Variants in SORCS1 observed in about 807,000 individuals in gnomAD.
SORCS1 encodes sortilin related VPS10 domain containing receptor 1.
Under a neutral mutation model 146.1 loss-of-function variants are expected in SORCS1, and 60 were observed. The observed-to-expected ratio is 0.41, with a 90% CI of 0.33 to 0.51. The LOEUF (loss-of-function observed/expected upper bound fraction) is 0.51. Among genes scored for constraint, SORCS1 ranks in the 20% least tolerant of loss-of-function variants. The probability of loss-of-function intolerance (pLI) is 0.21; values close to 1 mark genes in which losing one functional copy is unlikely to be tolerated. For synonymous variants in SORCS1, 637 were observed against 584.0 expected, an observed-to-expected ratio of 1.09 and a Z score of -1.31; for missense variants, 1,352 against 1,487.6, an observed-to-expected ratio of 0.91 and a Z score of 1.50.
intron 1 of SORCS1, among the ~76,000 whole-genome samples, chr10:107,059,906 TCA>T (rs761316733): frequency 1.7e-4 from 26 of 152,020 alleles, no homozygotes; most frequent in Admixed American, 1.4e-3. Flanking sequence ...AGTAATCTAC[TCA>T]CAGACTTGAG....
intron 5 of SORCS1, among the ~76,000 whole-genome samples, chr10:106,741,776 C>T (rs1036900635): frequency 6.6e-6 from 1 of 152,136 alleles, no homozygotes; most frequent in East Asian, 1.9e-4. Context: ...ATTTCTTCAG[C>T]TTAGACCTTA....
At chr10:106,678,369 C>A (rs564746046) in intron 12 of SORCS1, among the ~76,000 whole-genome samples, 1 of 152,264 alleles carries the variant, frequency 6.6e-6, no homozygotes, top group African/African-American at 2.4e-5. Flanking sequence ...TTCCCTTCCT[C>A]CTCCGCTCAA....
At chr10:106,645,787 T>C (rs1849383321) in intron 18 of SORCS1, among the ~76,000 whole-genome samples, 1 of 152,104 alleles carries the variant, frequency 6.6e-6, no homozygotes, top group Non-Finnish European at 1.5e-5. Context: ...ACTGTAATAA[T>C]ACCTTTTCAA....
intron 6 of SORCS1, among the ~76,000 whole-genome samples, chr10:106,718,189 CTG>C (rs376975858): frequency 1.5e-4 from 23 of 152,178 alleles, no homozygotes; most frequent in African/African-American, 5.3e-4. Flanking sequence ...GGAACACTGG[CTG>C]TGTGTTTTGC....
In SORCS1 at chr10:106,585,963, A is replaced by G. The variant is rs1845209323; in HGVS notation, c.3266-6489T>C. Among the ~76,000 whole-genome samples, 2 of 152,364 alleles carry G rather than the reference A, an allele frequency of 1.3e-5. 1 individual carries two copies. Among genetic ancestry groups the G allele is most frequent in the South Asian group, 4.1e-4 (2 of 4,830 alleles). On this transcript the variant is annotated intron_variant, in intron 24 of 25. Coordinates refer to ENST00000263054, the MANE Select transcript of SORCS1 (RefSeq NM_052918.5). ...CAGAGCTCCCCAACCAACAACCCATAGCTGATTGCAGACAGACAAGTGAAT... is the reference window on the plus strand; with the variant it reads ...CAGAGCTCCCCAACCAACAACCCATGGCTGATTGCAGACAGACAAGTGAAT...
intron 24 of SORCS1, among the ~76,000 whole-genome samples, chr10:106,584,048 C>G (rs533183069): frequency 6.6e-6 from 1 of 152,142 alleles, no homozygotes; most frequent in Admixed American, 6.5e-5. Context: ...ATTTACCATA[C>G]CTTGATATTC....
At chr10:106,966,320 T>C (rs2139135651) in intron 1 of SORCS1, among the ~76,000 whole-genome samples, 1 of 152,112 alleles carries the variant, frequency 6.6e-6, no homozygotes, top group East Asian at 1.9e-4. Flanking sequence ...CAGACAAAAG[T>C]AATCTGGTCT....
chr10:106,660,618 A>T (rs1164696145), intron 17 of SORCS1, among the ~76,000 whole-genome samples: 1 of 152,190 alleles, frequency 6.6e-6, no homozygotes, highest in Non-Finnish European at 1.5e-5. Flanking sequence ...TACCTAACTT[A>T]AACTTTTTAA....
intron 1 of SORCS1, among the ~76,000 whole-genome samples, chr10:107,152,315 G>A (rs1968872425): frequency 6.6e-6 from 1 of 152,214 alleles, no homozygotes. Flanking sequence ...CTAGGACAGA[G>A]GAGAAGGGAA....
chr10:107,127,488 T>G (rs1966779365), intron 1 of SORCS1, among the ~76,000 whole-genome samples: 1 of 152,208 alleles, frequency 6.6e-6, no homozygotes. Flanking sequence ...ATCCTTTTTG[T>G]GCATCTTCCC....
chr10:106,729,560 G>C (rs1330349646), intron 6 of SORCS1, among the ~76,000 whole-genome samples: 1 of 151,908 alleles, frequency 6.6e-6, no homozygotes, highest in Non-Finnish European at 1.5e-5. Context: ...CAACACAAAA[G>C]AGTAGCAGCA....
Position 106,730,127 on chromosome 10 carries a change from G to C in SORCS1, c.960-13C>G. 6.2e-7 allele frequency: 1 copy of C among 1,613,862 alleles called. No homozygotes were observed. The highest frequency in any genetic ancestry group is 8.5e-7 in the Non-Finnish European group (1 of 1,179,864). The stretch of plus-strand genomic sequence containing the variant: ...CCCCATCACAGACCTAAAAAATGGA[G>C]AAACATGAAAAGAAACATCCATATT... On this transcript the variant is annotated splice_polypyrimidine_tract_variant and intron_variant, in intron 5 of 25. Transcript: ENST00000263054.
chr10:106,667,777 T>G lies in SORCS1; in HGVS notation c.2215A>C (p.Asn739His), dbSNP rs138074544. ...DCDYGYERHS[N>H]GQCLPAFWFN... Reference sequence around the variant, plus strand: ...CAAAATGCCGGCAGGCACTGGCCATTGCTGTGTCGCTCATAACCATAGTCG... The same window carrying G: ...CAAAATGCCGGCAGGCACTGGCCATGGCTGTGTCGCTCATAACCATAGTCG... Residue 739 changes from asparagine (N) to histidine (H), a missense_variant, in exon 17 of 26, where the codon AAT becomes CAT. Coordinates refer to ENST00000263054, the MANE Select transcript of SORCS1 (RefSeq NM_052918.5). 6.2e-7 allele frequency: 1 copy of G among 1,613,944 alleles called. No individual in the cohort carries two copies. Among genetic ancestry groups the G allele is most frequent in the Non-Finnish European group, 8.5e-7 (1 of 1,179,996 alleles).
chr10:106,994,120 G>C (rs981878600), intron 1 of SORCS1, among the ~76,000 whole-genome samples: 1 of 147,154 alleles, frequency 6.8e-6, no homozygotes, highest in Admixed American at 6.8e-5. Flanking sequence ...CATAATTCAT[G>C]GTCTTAGTAA....
chr10:107,042,998 C>T (rs1326350052), intron 1 of SORCS1, among the ~76,000 whole-genome samples: 1 of 152,150 alleles, frequency 6.6e-6, no homozygotes, highest in Admixed American at 6.5e-5. Context: ...GATATTTAAA[C>T]TAGATTTCTC....
At chr10:106,612,349 C>T (rs1223572503) in intron 21 of SORCS1, among the ~76,000 whole-genome samples, 8 of 141,724 alleles carry the variant, frequency 5.6e-5, no homozygotes, top group Admixed American at 7.0e-5. Context: ...CCCCTTCCCC[C>T]CTTCTCCTTT....
intron 2 of SORCS1, among the ~76,000 whole-genome samples, chr10:106,944,038 C>T (rs557791719): frequency 6.6e-5 from 10 of 152,274 alleles, no homozygotes; most frequent in African/African-American, 2.2e-4. Context: ...CACCCCCACA[C>T]TCTATATGTC....
chr10:106,844,985 T>G (rs1483147134), intron 2 of SORCS1, among the ~76,000 whole-genome samples: 3 of 143,178 alleles, frequency 2.1e-5, no homozygotes, highest in African/African-American at 2.5e-5. Context: ...CTATCATTGT[T>G]GGACATTTGG....
At chr10:107,044,061 C>A (rs543761226) in intron 1 of SORCS1, among the ~76,000 whole-genome samples, 2 of 152,150 alleles carry the variant, frequency 1.3e-5, no homozygotes, top group East Asian at 1.9e-4. Flanking sequence ...AATGTCAATT[C>A]TTTTCTAATT....
Sources: gnomAD v4.1 joint callset for allele counts (sites outside exome capture counted in the v4.1 genomes callset) on GRCh38, gnomAD v4.1.1 for gene constraint, MANE v1.5 for transcripts, NCBI Gene and HGNC (gene_info 2026-07-23, HGNC 2026-07-21) for gene names.